CWC27: variants seen among roughly 807,000 people sequenced by gnomAD.
CWC27 encodes CWC27 spliceosome associated cyclophilin.
In CWC27, 47 loss-of-function variants were observed where a neutral mutation model predicts 63.6. The observed-to-expected ratio is 0.74, with a 90% CI of 0.58 to 0.94. The LOEUF is 0.94. Ranked by LOEUF, CWC27 falls within the 40% of genes least tolerant of loss-of-function variation. The probability of loss-of-function intolerance (pLI) is 0.00; values close to 1 mark genes in which losing one functional copy is unlikely to be tolerated. For synonymous variants in CWC27, 175 were observed against 179.8 expected (o/e 0.97, Z 0.22); for missense variants, 495 against 554.3 (o/e 0.89, Z 1.07).
At chr5:64,878,972 G>T (rs150457089) in intron 10 of CWC27, among the ~76,000 whole-genome samples, 1 of 151,890 alleles carries the variant, frequency 6.6e-6, no homozygotes, top group East Asian at 1.9e-4. Flanking sequence ...TTTGGGGTAT[G>T]TGTTATAAAA....
rs1561176956 is a variant in CWC27 at position 64,977,257 on chromosome 5, G to A, written c.1256+19G>A. ...AAGGATGGTAAGGGCTTTGATTTCT[G>A]TATATTAACCATGAACAAATAGTCT... On this transcript the variant is annotated intron_variant, in intron 13 of 13. Coordinates refer to ENST00000381070, the MANE Select transcript of CWC27 (RefSeq NM_005869.4). 1.3e-6 allele frequency: 2 copies of A among 1,506,668 alleles called. No homozygotes were observed. Among genetic ancestry groups the A allele is most frequent in the South Asian group, 2.3e-5 (2 of 87,292 alleles). The allele number at this position is 1,506,668 out of a possible 1,614,324, so 93.3% of individuals were successfully genotyped here.
intron 11 of CWC27, among the ~76,000 whole-genome samples, chr5:64,916,157 T>C (rs1314396274): frequency 6.6e-6 from 1 of 152,240 alleles, no homozygotes; most frequent in Non-Finnish European, 1.5e-5. Context: ...AAATTACATT[T>C]TATAGACTAA....
chr5:64,865,123 T>TA (rs5868390), intron 10 of CWC27, among the ~76,000 whole-genome samples: 95 of 148,162 alleles, frequency 6.4e-4, no homozygotes, highest in Admixed American at 8.8e-4. Context: ...CTAAGGGCAT[T>TA]AAAAAAAAAA....
At chr5:64,945,076 C>A (rs1346749178) in intron 11 of CWC27, among the ~76,000 whole-genome samples, 1 of 152,142 alleles carries the variant, frequency 6.6e-6, no homozygotes, top group African/African-American at 2.4e-5. Flanking sequence ...GGCCATTGCT[C>A]ATGCTGTTAC....
intron 10 of CWC27, among the ~76,000 whole-genome samples, chr5:64,839,393 A>G (rs1169087931): frequency 6.6e-6 from 1 of 152,226 alleles, no homozygotes; most frequent in Non-Finnish European, 1.5e-5. Context: ...GAGTAGTTAT[A>G]TATGATACAA....
At chr5:64,799,029 A>G (rs73101310) in intron 7 of CWC27, among the ~76,000 whole-genome samples, 1,648 of 152,336 alleles carry the variant, frequency 0.011, 25 homozygotes, top group African/African-American at 0.038. Flanking sequence ...CCAGGCCGGT[A>G]TTCTGGGCCC....
At chr5:64,976,187 A>T (rs1430702748) in intron 12 of CWC27, among the ~76,000 whole-genome samples, 5 of 152,192 alleles carry the variant, frequency 3.3e-5, no homozygotes, top group Admixed American at 2.6e-4. Context: ...TTCCATTTGT[A>T]TGAGTAATGC....
At chr5:64,936,281 C>A (rs1748350449) in intron 11 of CWC27, among the ~76,000 whole-genome samples, 1 of 152,268 alleles carries the variant, frequency 6.6e-6, no homozygotes, top group Non-Finnish European at 1.5e-5. Context: ...TCCATCAATA[C>A]CTAGTCTACT....
intron 10 of CWC27, among the ~76,000 whole-genome samples, chr5:64,813,424 A>G (rs1744943215): frequency 6.6e-6 from 1 of 152,182 alleles, no homozygotes; most frequent in South Asian, 2.1e-4. Flanking sequence ...AGCTATGTAT[A>G]TCAGAAATAT....
intron 2 of CWC27, among the ~76,000 whole-genome samples, chr5:64,779,948 T>C (rs1031188672): frequency 3.3e-5 from 5 of 152,208 alleles, no homozygotes; most frequent in Admixed American, 2.0e-4. Flanking sequence ...CCGCCATGAT[T>C]GTAAGTTTCC....
chr5:64,780,697 G>A (rs952231453), intron 2 of CWC27, among the ~76,000 whole-genome samples: 6 of 58,286 alleles, frequency 1.0e-4, no homozygotes, highest in African/African-American at 2.2e-4. Context: ...GCGCACACGC[G>A]CGCACACACA....
At chr5:64,821,268 A>T (rs113460569) in intron 10 of CWC27, among the ~76,000 whole-genome samples, 1 of 152,148 alleles carries the variant, frequency 6.6e-6, no homozygotes, top group African/African-American at 2.4e-5. Flanking sequence ...TATTTTTAGT[A>T]GAGACGGGGT....
chr5:64,909,011 G>C (rs1308829042), intron 11 of CWC27, among the ~76,000 whole-genome samples: 1 of 152,160 alleles, frequency 6.6e-6, no homozygotes, highest in African/African-American at 2.4e-5. Flanking sequence ...TGTTTTTGCA[G>C]TGGCTGGTAC....
chr5:64,894,658 A>T, intron 11 of CWC27, among the ~76,000 whole-genome samples: 1 of 152,242 alleles, frequency 6.6e-6, no homozygotes, highest in East Asian at 1.9e-4. Flanking sequence ...TGTTGGATAT[A>T]ATACAAAAAT....
At chr5:64,769,446 A>G (rs1213880921) in intron 1 of CWC27, among the ~76,000 whole-genome samples, 1 of 152,222 alleles carries the variant, frequency 6.6e-6, no homozygotes, top group Non-Finnish European at 1.5e-5. Flanking sequence ...CAACTCATGC[A>G]GCCGATTTCT....
At chr5:64,850,288 A>G (rs1746104153) in intron 10 of CWC27, among the ~76,000 whole-genome samples, 1 of 152,106 alleles carries the variant, frequency 6.6e-6, no homozygotes, top group Non-Finnish European at 1.5e-5. Context: ...AAACCCATGC[A>G]TGTATGATCA....
rs76939619 is a variant in CWC27, at chr5:64,774,888, T to C, written c.139+101T>C. 4,080 of 671,170 alleles carry C rather than the reference T, an allele frequency of 6.1e-3. 31 individuals are homozygous for C. Among genetic ancestry groups the C allele is most frequent in the African/African-American group, 0.015 (833 of 54,776 alleles). The allele number at this position is 671,170 out of a possible 1,614,324, so 41.6% of individuals were successfully genotyped here. On this transcript the variant is annotated intron_variant, in intron 2 of 13. Transcript: ENST00000381070. Reference sequence around the variant, plus strand: ...GAAGACTAGTGTTAAATAGTGGTCATGAATGACAGGTGTTGCTATGAGGAT... The same window carrying C: ...GAAGACTAGTGTTAAATAGTGGTCACGAATGACAGGTGTTGCTATGAGGAT...
intron 10 of CWC27, among the ~76,000 whole-genome samples, chr5:64,882,828 C>T (rs1037315591): frequency 6.6e-6 from 1 of 152,126 alleles, no homozygotes; most frequent in East Asian, 1.9e-4. Flanking sequence ...GATCTCCTGA[C>T]CTCGTGATCC....
chr5:64,830,794 G>T (rs1205839715), intron 10 of CWC27, among the ~76,000 whole-genome samples: 1 of 152,138 alleles, frequency 6.6e-6, no homozygotes, highest in Non-Finnish European at 1.5e-5. Context: ...CTCAAAGGAA[G>T]ACATTTATGC....
Sources: allele counts gnomAD v4.1 joint callset (sites outside exome capture counted in the v4.1 genomes callset), GRCh38; gene constraint gnomAD v4.1.1; transcripts MANE v1.5; gene names NCBI Gene and HGNC (gene_info 2026-07-23, HGNC 2026-07-21).